COL5A2: variants seen among roughly 807,000 people sequenced by gnomAD.
The protein encoded by COL5A2 is collagen alpha-2(V) chain.
In COL5A2, 23 loss-of-function variants were observed where a neutral mutation model predicts 208.2. The ratio of observed to expected loss-of-function variants is 0.11; its 90% CI spans 0.08 to 0.16. The LOEUF (loss-of-function observed/expected upper bound fraction) is 0.16. Ranked by LOEUF, COL5A2 falls within the 10% of genes least tolerant of loss-of-function variation. COL5A2 has a pLI of 1.00. For synonymous variants in COL5A2, 625 were observed against 628.5 expected (o/e 0.99, Z 0.08); for missense variants, 1,590 against 1,956.4 (o/e 0.81, Z 3.53).
the COL5A2 span, among the ~76,000 whole-genome samples, chr2:189,320,623 A>G: frequency 9.9e-5 from 15 of 152,222 alleles, no homozygotes; most frequent in African/African-American, 3.4e-4. Context: ...AGAAAAAAGA[A>G]TAAGAAGAAA....
At chr2:189,104,785 G>C (rs900214227) in intron 2 of COL5A2, among the ~76,000 whole-genome samples, 1 of 151,510 alleles carries the variant, frequency 6.6e-6, no homozygotes, top group East Asian at 1.9e-4. Flanking sequence ...GTTTAGTTTG[G>C]AATATTTAAG....
chr2:189,161,414 A>T (rs1688361288), intron 1 of COL5A2, among the ~76,000 whole-genome samples: 1 of 152,208 alleles, frequency 6.6e-6, no homozygotes, highest in Non-Finnish European at 1.5e-5. Flanking sequence ...TAAATAAAAC[A>T]AGTAAAATAT....
chr2:189,220,887 C>T (rs535723898), intron 1 of COL5A2, among the ~76,000 whole-genome samples: 4 of 152,262 alleles, frequency 2.6e-5, no homozygotes, highest in Non-Finnish European at 4.4e-5. Flanking sequence ...CTAACTTATT[C>T]TCATTTTTTA....
chr2:189,422,993 A>G, the COL5A2 span, among the ~76,000 whole-genome samples: 66 of 149,858 alleles, frequency 4.4e-4, no homozygotes, highest in African/African-American at 1.5e-3. Context: ...GTTGCACTCC[A>G]GCCTGGGCAA....
At chr2:189,073,579 T>G (rs1686332898) in intron 17 of COL5A2, among the ~76,000 whole-genome samples, 1 of 152,104 alleles carries the variant, frequency 6.6e-6, no homozygotes, top group African/African-American at 2.4e-5. Flanking sequence ...TAGCCAAAGT[T>G]GAGAACCACT....
chr2:189,290,960 C>T, the COL5A2 span, among the ~76,000 whole-genome samples: 1 of 152,032 alleles, frequency 6.6e-6, no homozygotes, highest in East Asian at 1.9e-4. Context: ...AAATACTGGG[C>T]CTCATTCTTG....
chr2:189,163,334 C>G (rs915121929), intron 1 of COL5A2, among the ~76,000 whole-genome samples: 2 of 152,188 alleles, frequency 1.3e-5, no homozygotes, highest in Admixed American at 1.3e-4. Flanking sequence ...CCCTTCTCAC[C>G]AAAAACATTT....
chr2:189,137,961 T>C (rs1016741759), intron 1 of COL5A2, among the ~76,000 whole-genome samples: 1 of 152,162 alleles, frequency 6.6e-6, no homozygotes, highest in African/African-American at 2.4e-5. Flanking sequence ...CCTAATCCAG[T>C]TGAGGACTCC....
intron 1 of COL5A2, among the ~76,000 whole-genome samples, chr2:189,170,233 TAA>T: frequency 6.6e-6 from 1 of 152,198 alleles, no homozygotes; most frequent in African/African-American, 2.4e-5. Flanking sequence ...TTCCAAAACC[TAA>T]ATTTGAATTC....
chr2:189,141,595 A>C (rs1255386049), intron 1 of COL5A2, among the ~76,000 whole-genome samples: 1 of 152,204 alleles, frequency 6.6e-6, no homozygotes, highest in Non-Finnish European at 1.5e-5. Flanking sequence ...ATAAGTTCAT[A>C]TAGTCACATG....
chr2:189,270,491 G>A, the COL5A2 span, among the ~76,000 whole-genome samples: 2 of 152,146 alleles, frequency 1.3e-5, no homozygotes. Flanking sequence ...TTACCCAGTA[G>A]TCATTCAGGA....
chr2:189,083,881 C>T, intron 12 of COL5A2, 103 bp downstream of exon 12: 12 of 858,176 alleles, frequency 1.4e-5, no homozygotes, highest in Non-Finnish European at 2.4e-5. Flanking sequence ...TGCTGTTTGT[C>T]TCCATTTACT....
chr2:189,060,930 T>C, intron 30 of COL5A2, 147 bp from the exon 31 acceptor site: 6 of 654,088 alleles, frequency 9.2e-6, no homozygotes, highest in Non-Finnish European at 1.6e-5. Context: ...AAGTAAAAAA[T>C]ATTGTTCAGA....
chr2:189,170,195 A>C (rs1688545632), intron 1 of COL5A2, among the ~76,000 whole-genome samples: 1 of 152,232 alleles, frequency 6.6e-6, no homozygotes, highest in African/African-American at 2.4e-5. Flanking sequence ...GAAATAAAAA[A>C]AATTGCCCGA....
chr2:189,126,255 A>G (rs946496688), intron 1 of COL5A2, among the ~76,000 whole-genome samples: 1 of 152,078 alleles, frequency 6.6e-6, no homozygotes, highest in African/African-American at 2.4e-5. Context: ...CATATTACCT[A>G]AAAGTCAGTA....
intron 45 of COL5A2, among the ~76,000 whole-genome samples, chr2:189,046,397 T>C (rs1685668168): frequency 6.6e-6 from 1 of 152,180 alleles, no homozygotes; most frequent in African/African-American, 2.4e-5. Context: ...TCTCATTTTG[T>C]AAAAGAAAAG....
At chr2:189,365,706 T>A in the COL5A2 span, among the ~76,000 whole-genome samples, 1 of 152,226 alleles carries the variant, frequency 6.6e-6, no homozygotes, top group Admixed American at 6.5e-5. Flanking sequence ...TAGCTAGTGA[T>A]TTAGAACATG....
chr2:189,160,670 A>T (rs1227263819), intron 1 of COL5A2, among the ~76,000 whole-genome samples: 1 of 151,996 alleles, frequency 6.6e-6, no homozygotes, highest in Non-Finnish European at 1.5e-5. Flanking sequence ...TCAATCAATA[A>T]ATTGCCAAAA....
chr2:189,041,552 A>C, intron 50 of COL5A2, 34 bp downstream of exon 50: 1 of 1,472,160 alleles, frequency 6.8e-7, no homozygotes, highest in Non-Finnish European at 9.5e-7. Context: ...TTGAATAAAT[A>C]GCATTTCTTG....
Sources: gnomAD v4.1 joint callset for allele counts (sites outside exome capture counted in the v4.1 genomes callset) on GRCh38, gnomAD v4.1.1 for gene constraint, MANE v1.5 for transcripts, NCBI Gene and HGNC (gene_info 2026-07-23, HGNC 2026-07-21) for gene names.